Variants in RIF1 observed in about 807,000 individuals in gnomAD.
RIF1 encodes telomere-associated protein RIF1.
In RIF1, 45 loss-of-function variants were observed where a neutral mutation model predicts 247.1. The ratio of observed to expected loss-of-function variants is 0.18; its 90% CI spans 0.14 to 0.23. The LOEUF is 0.23. RIF1 is among the 10% of genes least tolerant of loss of function. The probability of loss-of-function intolerance (pLI) is 1.00; values close to 1 mark genes in which losing one functional copy is unlikely to be tolerated. For synonymous variants in RIF1, 1,087 were observed against 978.8 expected (o/e 1.11, Z -2.06); for missense variants, 2,967 against 2,862.5 (o/e 1.04, Z -0.83).
chr2:151,462,476 A>T lies in RIF1; in HGVS notation c.3363+10A>T. 11 of 1,543,742 alleles carry T rather than the reference A, an allele frequency of 7.1e-6. No individual in the cohort carries two copies. The highest frequency in any genetic ancestry group is 1.4e-5 in the African/African-American group (1 of 72,664). On this transcript the variant is annotated intron_variant, in intron 29 of 35. Coordinates refer to ENST00000444746, the MANE Select transcript of RIF1 (RefSeq NM_018151.5). The stretch of plus-strand genomic sequence containing the variant: ...TAAGATGATGATTACGGTATGTTTG[A>T]CATTTCATATTTTGGGCTTTTTAGA...
rs779557427 is a variant in RIF1 at position 151,463,103 on chromosome 2, T to G, written c.3583T>G (p.Phe1195Val). 10 of 1,614,038 alleles carry G rather than the reference T, an allele frequency of 6.2e-6. 1 individual carries two copies. In the Middle Eastern group the frequency reaches 1.5e-3, roughly 240 times the overall value. Residue 1195 changes from phenylalanine (F) to valine (V), a missense_variant, in exon 30 of 36, where the codon TTC becomes GTC. This residue lies in a region of RIF1 where 2,028 missense variants were observed against 1,825.6 expected (regional missense o/e 1.11). Transcript: ENST00000444746. Reference sequence around the variant, plus strand: ...ATGTGCATCTAGTACAGAAAATTCTTTCGTTGTCAGCAGTAGTTCAGTTTC... The same window carrying G: ...ATGTGCATCTAGTACAGAAAATTCTGTCGTTGTCAGCAGTAGTTCAGTTTC... The part of the protein sequence containing the change: ...TECASSTENS[F>V]VVSSSSVSNT...
At position 151,432,785 on chromosome 2, in the gene RIF1, AC is replaced by A. The variant is rs1311124020; in HGVS notation, c.926-290del. Among the ~76,000 whole-genome samples, 4 of 152,142 alleles carry A rather than the reference AC, an allele frequency of 2.6e-5. No individual in the cohort carries two copies. In the East Asian group the frequency reaches 7.7e-4, roughly 29 times the overall value. Reference sequence around the variant, plus strand: ...TGTCAATAGCATCCCCTCATTTGTAACCAACCTGAAGTATTCCCTGGTGGGA... The same window carrying A: ...TGTCAATAGCATCCCCTCATTTGTAACAACCTGAAGTATTCCCTGGTGGGA... On this transcript the variant is annotated intron_variant, in intron 9 of 35. Coordinates refer to ENST00000444746, the MANE Select transcript of RIF1 (RefSeq NM_018151.5).
chr2:151,502,954 G>T, intron 11 of RIF1: 1 of 911,048 alleles, frequency 1.1e-6, no homozygotes. Context: ...GGAAGGAAAT[G>T]GGGGAAGGGG....
chr2:151,416,663 T>A lies in RIF1; in HGVS notation c.383T>A (p.Phe128Tyr). Residue 128 changes from phenylalanine to tyrosine, a missense_variant, in exon 5 of 36, where the codon TTT (phenylalanine) becomes TAT (tyrosine). Physicochemically the swap from Phe to Tyr is conservative, Grantham distance 22. This residue lies in a region of RIF1 where 269 missense variants were observed against 288.6 expected (regional missense o/e 0.93). Transcript: ENST00000444746. Reference sequence around the variant, plus strand: ...CTTTGGGTGATATCTAAGCAGACATTTCCCTCTGAAGTGGTTGGCAAAATG... The same window carrying A: ...CTTTGGGTGATATCTAAGCAGACATATCCCTCTGAAGTGGTTGGCAAAATG... The part of the protein sequence containing the change: ...RALWVISKQT[F>Y]PSEVVGKMVS... 6.2e-7 allele frequency: 1 copy of A among 1,613,064 alleles called. No individual in the cohort carries two copies. The highest frequency in any genetic ancestry group is 8.5e-7 in the Non-Finnish European group (1 of 1,179,736).
Position 151,441,923 on chromosome 2 carries a change from A to G in RIF1, c.1666A>G (p.Ile556Val), listed in dbSNP as rs1692359410. 1.9e-6 allele frequency: 3 copies of G among 1,557,124 alleles called. No homozygotes were observed. Among genetic ancestry groups the G allele is most frequent in the South Asian group, 2.3e-5 (2 of 85,446 alleles). Residue 556 changes from isoleucine to valine, a missense_variant, in exon 16 of 36, where the codon ATT (isoleucine) becomes GTT (valine). By Grantham distance (29) the Ile-to-Val change is conservative. Transcript: ENST00000444746. Reference protein sequence around the residue: ...SKTLVLMEITIKGLPQKVLGS... With the variant: ...SKTLVLMEITVKGLPQKVLGS... ...CTCATAGGTCCTCATGGAAATTACAATTAAAGGACTTCCTCAGAAAGTATT... is the reference window on the plus strand; with the variant it reads ...CTCATAGGTCCTCATGGAAATTACAGTTAAAGGACTTCCTCAGAAAGTATT...
chr2:151,465,543 T>A lies in RIF1; in HGVS notation c.6023T>A (p.Leu2008Gln). Residue 2008 changes from leucine to glutamine, a missense_variant, in exon 30 of 36, where the codon CTA becomes CAA. This residue lies in a region of RIF1 where 2,028 missense variants were observed against 1,825.6 expected (regional missense o/e 1.11). Coordinates refer to ENST00000444746, the MANE Select transcript of RIF1 (RefSeq NM_018151.5). ...GATGGAGGAAATGATGTATCTGATC[T>A]ACACTCATCTGAAGAAACGAATACC... ...ELDGGNDVSD[L>Q]HSSEETNTKM... 6.2e-7 allele frequency: 1 copy of A among 1,614,014 alleles called. No individual in the cohort carries two copies.
At chr2:151,467,954 T>G (rs1449379281) in intron 30 of RIF1, 46 bp from the exon 31 acceptor site, 4 of 1,548,844 alleles carry the variant, frequency 2.6e-6, no homozygotes, top group Middle Eastern at 1.7e-4. Flanking sequence ...TGTAATTTTT[T>G]AAAAACTTTA....
intron 10 of RIF1, chr2:151,497,734 G>C: frequency 2.6e-6 from 4 of 1,562,158 alleles, no homozygotes; most frequent in Non-Finnish European, 3.5e-6. Context: ...CGATAAGAAA[G>C]CATCCAGAAA....
chr2:151,451,500 A>T, intron 20 of RIF1, 106 bp from the exon 21 acceptor site: 1 of 669,746 alleles, frequency 1.5e-6, no homozygotes, highest in East Asian at 2.7e-5. Context: ...TGTGTGTTAC[A>T]TAGGATATAT....
rs748783468 is a variant in RIF1 at position 151,463,739 on chromosome 2, A to T, written c.4219A>T (p.Ile1407Leu). The change falls in exon 30 of 36, where the codon ATA (isoleucine) becomes TTA (leucine). Residue 1407 changes from isoleucine (I) to leucine (L), a missense_variant. This residue lies in a region of RIF1 where 2,028 missense variants were observed against 1,825.6 expected (regional missense o/e 1.11). Transcript: ENST00000444746. ...QMVNEDSQVQITPNQKTLRRS... is the reference protein window; with the variant it reads ...QMVNEDSQVQLTPNQKTLRRS... ...GGTAAATGAGGATAGTCAGGTTCAG[A>T]TAACTCCAAATCAGAAAACCCTTAG... The T allele has an allele frequency of 1.9e-6, 3 of 1,614,078 alleles. No individual in the cohort carries two copies. Among genetic ancestry groups the T allele is most frequent in the South Asian group, 2.2e-5 (2 of 91,082 alleles).
At chr2:151,495,260 A>C (rs1460353209) in exon 10 of RIF1, 1 of 152,192 alleles carries the variant, frequency 6.6e-6, no homozygotes, top group Non-Finnish European at 1.5e-5. Flanking sequence ...AGATTTAGGA[A>C]ATGACATTGA....
chr2:151,486,320 GA>G (rs1397646981), downstream of RIF1: 1 of 168,348 alleles, frequency 5.9e-6, no homozygotes, highest in Non-Finnish European at 1.3e-5. Flanking sequence ...ACACATGCCA[GA>G]ATGGTGATGA....
In RIF1 at chr2:151,463,219, A is replaced by G. The variant is rs1270399087; in HGVS notation, c.3699A>G (p.Arg1233=). The G allele has an allele frequency of 6.2e-7, 1 of 1,614,016 alleles. No homozygotes were observed. Among genetic ancestry groups the G allele is most frequent in the African/African-American group, 1.3e-5 (1 of 74,926 alleles). ...AGAAGTTTGATGGTTCAGAAAATAG[A>G]CCTTTTAGTCCATCCCCCTTGAATA... The part of the protein sequence containing the change: ...TLEKFDGSEN[R]PFSPSPLNNI... Residue 1233 remains arginine (R), a synonymous_variant, in exon 30 of 36, where the codon AGA becomes AGG. Coordinates refer to ENST00000444746, the MANE Select transcript of RIF1 (RefSeq NM_018151.5).
At chr2:151,414,500 C>A (rs924728450) in intron 3 of RIF1, among the ~76,000 whole-genome samples, 1 of 152,152 alleles carries the variant, frequency 6.6e-6, no homozygotes, top group Non-Finnish European at 1.5e-5. Context: ...CTTGTTTACT[C>A]AGTGGAAGGG....
exon 12 of RIF1, chr2:151,503,108 T>A (rs932914324): frequency 3.4e-6 from 2 of 586,780 alleles, no homozygotes; most frequent in African/African-American, 1.9e-5. Context: ...TATATAACGC[T>A]GAGGAATCTT....
chr2:151,431,217 G>A (rs1690066905), intron 9 of RIF1, among the ~76,000 whole-genome samples: 1 of 152,162 alleles, frequency 6.6e-6, no homozygotes, highest in Admixed American at 6.5e-5. Flanking sequence ...TCTTTGATTT[G>A]TCTTAATTGC....
intron 4 of RIF1, among the ~76,000 whole-genome samples, chr2:151,416,310 C>A (rs1687214017): frequency 6.6e-6 from 1 of 152,132 alleles, no homozygotes; most frequent in African/African-American, 2.4e-5. Context: ...ACAGTGATAT[C>A]TAGTTATTTC....
At chr2:151,509,183 G>GTT, downstream of RIF1, among the ~76,000 whole-genome samples, 1 of 152,180 alleles carries the variant, frequency 6.6e-6, no homozygotes, top group Non-Finnish European at 1.5e-5. Context: ...TTCAGCCAAT[G>GTT]AGAGATGTAG....
chr2:151,517,595 TAC>T, the RIF1 span, among the ~76,000 whole-genome samples: 1 of 152,142 alleles, frequency 6.6e-6, no homozygotes, highest in African/African-American at 2.4e-5. Flanking sequence ...CATCACAGAG[TAC>T]ACTTACACAA....
Sources: gnomAD v4.1 joint callset for allele counts (sites outside exome capture counted in the v4.1 genomes callset) on GRCh38, gnomAD v4.1.1 for gene constraint, gnomAD v4.1.1 regional missense constraint, MANE v1.5 for transcripts, NCBI Gene and HGNC (gene_info 2026-07-23, HGNC 2026-07-21) for gene names.